ANKIB1: variants seen among roughly 807,000 people sequenced by gnomAD.
The protein encoded by ANKIB1 is ankyrin repeat and IBR domain-containing protein 1.
A neutral mutation model predicts 122.1 loss-of-function variants in ANKIB1; 43 were observed. The ratio of observed to expected loss-of-function variants is 0.35; its 90% CI spans 0.28 to 0.45. ANKIB1 has a LOEUF of 0.45. Ranked by LOEUF, ANKIB1 falls within the 20% of genes least tolerant of loss-of-function variation. The pLI is 1.00. For missense variants in ANKIB1, 992 were observed against 1,329.5 expected (o/e 0.75, Z 3.95); for synonymous variants, 390 against 442.0 (o/e 0.88, Z 1.48).
intron 5 of ANKIB1, 97 bp from the exon 6 acceptor site, chr7:92,342,927 C>A: frequency 8.6e-7 from 1 of 1,158,168 alleles, no homozygotes. Context: ...CTTTAGATGA[C>A]CAAAATTTGT....
At chr7:92,327,700 C>A in intron 4 of ANKIB1, 83 bp from the exon 5 acceptor site, 1 of 575,390 alleles carries the variant, frequency 1.7e-6, no homozygotes, top group Non-Finnish European at 2.8e-6. Context: ...ATACATTGGA[C>A]TGACTATATA....
At chr7:92,275,908 C>T (rs533818895) in intron 1 of ANKIB1, among the ~76,000 whole-genome samples, 20 of 152,156 alleles carry the variant, frequency 1.3e-4, no homozygotes, top group African/African-American at 3.6e-4. Flanking sequence ...AGGAGTTATC[C>T]TAGGATAATA....
intron 9 of ANKIB1, 40 bp from the exon 10 acceptor site, chr7:92,362,145 A>G: frequency 6.5e-7 from 1 of 1,535,468 alleles, no homozygotes; most frequent in Non-Finnish European, 8.8e-7. Flanking sequence ...GTTGATGAAG[A>G]ATATTTTAAA....
intron 1 of ANKIB1, among the ~76,000 whole-genome samples, chr7:92,249,834 A>C (rs1801287378): frequency 6.6e-6 from 1 of 152,148 alleles, no homozygotes; most frequent in Admixed American, 6.5e-5. Flanking sequence ...GAACAGTCCC[A>C]AAATATATTT....
At chr7:92,395,608 G>C (rs953704046) in intron 17 of ANKIB1, among the ~76,000 whole-genome samples, 3 of 142,372 alleles carry the variant, frequency 2.1e-5, no homozygotes, top group African/African-American at 5.2e-5. Context: ...GCACAATCTC[G>C]GATCACTGCA....
chr7:92,349,810 A>T (rs955636168), intron 7 of ANKIB1, among the ~76,000 whole-genome samples: 3 of 152,150 alleles, frequency 2.0e-5, no homozygotes, highest in Admixed American at 6.5e-5. Flanking sequence ...TGAGGCTTAG[A>T]GCAGTTAAAT....
chr7:92,366,509 T>C (rs2115620772), intron 10 of ANKIB1, among the ~76,000 whole-genome samples: 1 of 152,384 alleles, frequency 6.6e-6, no homozygotes, highest in Non-Finnish European at 1.5e-5. Flanking sequence ...GATCATTCAC[T>C]CAAGCAGTCT....
intron 1 of ANKIB1, among the ~76,000 whole-genome samples, chr7:92,281,760 C>G (rs1244787510): frequency 6.6e-6 from 1 of 152,082 alleles, no homozygotes; most frequent in African/African-American, 2.4e-5. Flanking sequence ...GGTGGTGGAG[C>G]GAGTTCTTTT....
intron 17 of ANKIB1, among the ~76,000 whole-genome samples, chr7:92,395,607 C>T (rs1258392624): frequency 2.1e-5 from 3 of 142,140 alleles, no homozygotes; most frequent in Non-Finnish European, 3.0e-5. Flanking sequence ...GGCACAATCT[C>T]GGATCACTGC....
intron 1 of ANKIB1, among the ~76,000 whole-genome samples, chr7:92,249,111 C>T (rs1801266275): frequency 6.6e-6 from 1 of 152,172 alleles, no homozygotes; most frequent in African/African-American, 2.4e-5. Context: ...TGGTCTCAAA[C>T]TCCTGAACTC....
chr7:92,338,467 T>A (rs1056118418), intron 5 of ANKIB1, among the ~76,000 whole-genome samples: 1 of 151,094 alleles, frequency 6.6e-6, no homozygotes, highest in African/African-American at 2.5e-5. Flanking sequence ...TATATATGTT[T>A]TATTAAATGT....
At chr7:92,384,895 T>G (rs76574735) in intron 11 of ANKIB1, among the ~76,000 whole-genome samples, 14,546 of 152,158 alleles carry the variant, frequency 0.096, 908 homozygotes, top group East Asian at 0.36. Context: ...TGGGATCTGA[T>G]TAAACTAAAG....
intron 1 of ANKIB1, among the ~76,000 whole-genome samples, chr7:92,283,845 A>G (rs888989211): frequency 8.5e-5 from 13 of 152,290 alleles, no homozygotes; most frequent in African/African-American, 3.1e-4. Context: ...ATCTCGGCTC[A>G]CTGCAACCTC....
intron 8 of ANKIB1, among the ~76,000 whole-genome samples, chr7:92,351,599 G>A (rs1443047181): frequency 6.6e-6 from 1 of 151,442 alleles, no homozygotes; most frequent in Non-Finnish European, 1.5e-5. Flanking sequence ...GAAGTTGTAA[G>A]TGTAGGCAAG....
intron 2 of ANKIB1, among the ~76,000 whole-genome samples, chr7:92,301,324 T>C (rs1004317576): frequency 6.6e-6 from 1 of 152,174 alleles, no homozygotes; most frequent in Non-Finnish European, 1.5e-5. Context: ...TGTACCAGGG[T>C]TCCCTTCCTT....
intron 1 of ANKIB1, among the ~76,000 whole-genome samples, chr7:92,288,899 A>G (rs1802192675): frequency 6.6e-6 from 1 of 152,192 alleles, no homozygotes; most frequent in South Asian, 2.1e-4. Flanking sequence ...ATTGCTGACC[A>G]TGGTAACTCT....
chr7:92,347,726 T>A (rs1039306226), intron 7 of ANKIB1, among the ~76,000 whole-genome samples: 4 of 152,218 alleles, frequency 2.6e-5, no homozygotes, highest in Admixed American at 2.0e-4. Flanking sequence ...AATAGGTCAC[T>A]GGGCTGTGAA....
intron 9 of ANKIB1, 105 bp downstream of exon 9, chr7:92,352,747 G>A (rs1232285879): frequency 2.6e-6 from 3 of 1,149,568 alleles, no homozygotes; most frequent in South Asian, 1.7e-5. Flanking sequence ...ATACTTGATA[G>A]TATTCTTCTT....
At chr7:92,326,060 C>A (rs1261446171) in intron 4 of ANKIB1, 1 of 360,044 alleles carries the variant, frequency 2.8e-6, no homozygotes, top group South Asian at 2.3e-5. Flanking sequence ...CCACTTGGGA[C>A]TGAGCAATGT....
Sources: allele counts gnomAD v4.1 joint callset (sites outside exome capture counted in the v4.1 genomes callset), GRCh38; gene constraint gnomAD v4.1.1; transcripts MANE v1.5; gene names NCBI Gene and HGNC (gene_info 2026-07-23, HGNC 2026-07-21).